The following GRM7 variants were observed in gnomAD, a reference collection of about 807,000 sequenced individuals.
The protein encoded by GRM7 is metabotropic glutamate receptor 7.
In GRM7, 35 loss-of-function variants were observed where a neutral mutation model predicts 84.5. That is an observed-to-expected ratio of 0.41 (90% confidence interval 0.32 to 0.55). The LOEUF (loss-of-function observed/expected upper bound fraction) is 0.55. Ranked by LOEUF, GRM7 falls within the 20% of genes least tolerant of loss-of-function variation. The pLI is 0.19. For synonymous variants in GRM7, 487 were observed against 455.1 expected (o/e 1.07, Z -0.89); for missense variants, 1,003 against 1,194.6 (o/e 0.84, Z 2.36).
intron 1 of GRM7, among the ~76,000 whole-genome samples, chr3:7,134,594 C>G (rs187593048): frequency 3.3e-5 from 5 of 152,230 alleles, no homozygotes; most frequent in African/African-American, 1.2e-4. Context: ...TATTACTTCT[C>G]TTGAAGCTAA....
At chr3:7,335,757 A>G (rs558080566) in intron 4 of GRM7, among the ~76,000 whole-genome samples, 2 of 152,160 alleles carry the variant, frequency 1.3e-5, no homozygotes, top group South Asian at 4.1e-4. Context: ...ACTAAAGATC[A>G]TTCAAGGCTA....
chr3:7,634,793 C>CAAA (rs59904264), intron 8 of GRM7, among the ~76,000 whole-genome samples: 1 of 137,576 alleles, frequency 7.3e-6, no homozygotes, highest in African/African-American at 2.7e-5. Flanking sequence ...GACTCTGTCT[C>CAAA]AAAAAAAAAA....
chr3:6,911,614 G>C (rs994951153), intron 1 of GRM7, among the ~76,000 whole-genome samples: 1 of 152,062 alleles, frequency 6.6e-6, no homozygotes, highest in South Asian at 2.1e-4. Context: ...GTAGCCACTA[G>C]GGAAAGTAAC....
intron 2 of GRM7, among the ~76,000 whole-genome samples, chr3:7,160,279 T>A (rs1694583571): frequency 6.6e-6 from 1 of 152,102 alleles, no homozygotes; most frequent in Non-Finnish European, 1.5e-5. Flanking sequence ...GGAGCCCAGA[T>A]AATGTGAGCT....
At chr3:7,221,099 G>A (rs540312222) in intron 2 of GRM7, among the ~76,000 whole-genome samples, 4 of 152,004 alleles carry the variant, frequency 2.6e-5, no homozygotes, top group South Asian at 2.1e-4. Context: ...TGTCTAAAAA[G>A]CAAAACAAAA....
intron 1 of GRM7, among the ~76,000 whole-genome samples, chr3:7,089,938 G>T (rs1015963299): frequency 6.6e-6 from 1 of 152,082 alleles, no homozygotes; most frequent in Non-Finnish European, 1.5e-5. Context: ...TACTCCCCGG[G>T]TTCAAGTGAT....
chr3:7,084,876 A>AT (rs1559428900), intron 1 of GRM7, among the ~76,000 whole-genome samples: 2 of 152,114 alleles, frequency 1.3e-5, no homozygotes, highest in Admixed American at 6.6e-5. Context: ...TGAATTGTTA[A>AT]TTTTTTCCCA....
intron 4 of GRM7, among the ~76,000 whole-genome samples, chr3:7,335,718 G>T (rs1329930765): frequency 6.6e-6 from 1 of 151,982 alleles, no homozygotes; most frequent in Admixed American, 6.6e-5. Context: ...AAATGAAATG[G>T]GAGGTATTAC....
At chr3:7,093,863 A>G (rs1382486761) in intron 1 of GRM7, among the ~76,000 whole-genome samples, 2 of 152,126 alleles carry the variant, frequency 1.3e-5, no homozygotes, top group Non-Finnish European at 2.9e-5. Context: ...AGGTTTTCTC[A>G]CTTAAAGTAG....
intron 1 of GRM7, among the ~76,000 whole-genome samples, chr3:6,926,047 A>G (rs1014402996): frequency 6.6e-6 from 1 of 152,166 alleles, no homozygotes; most frequent in Admixed American, 6.6e-5. Flanking sequence ...TCCATCTGAG[A>G]AAGAGGGACC....
intron 2 of GRM7, among the ~76,000 whole-genome samples, chr3:7,238,997 C>CTTTTTTTTTTTTTTTTTTTT (rs1559520012): frequency 7.3e-6 from 1 of 137,612 alleles, no homozygotes; most frequent in African/African-American, 2.7e-5. Context: ...TTCTTTTTTC[C>CTTTTTTTTTTTTTTTTTTTT]TTTTTCTTTT....
At chr3:7,355,603 T>G (rs1172662616) in intron 4 of GRM7, among the ~76,000 whole-genome samples, 1 of 152,136 alleles carries the variant, frequency 6.6e-6, no homozygotes, top group Non-Finnish European at 1.5e-5. Context: ...AGTCTTTTAC[T>G]GAACGCATGA....
At chr3:7,641,529 G>A (rs1023969662) in intron 8 of GRM7, among the ~76,000 whole-genome samples, 4 of 152,028 alleles carry the variant, frequency 2.6e-5, no homozygotes, top group African/African-American at 4.8e-5. Flanking sequence ...ATCACTTTGG[G>A]AACATGTGAA....
rs1180168302 is a variant in GRM7 at position 6,920,066 on chromosome 3, A to G, written c.519+58159A>G. Among the ~76,000 whole-genome samples, 4 of 152,340 alleles carry G rather than the reference A, an allele frequency of 2.6e-5. No homozygotes were observed. In the East Asian group the frequency reaches 7.7e-4, roughly 29 times the overall value. ...CTATCTTGTATTCTTTTGCTCTGCCAATTGATTAATATATAATACATATAA... is the reference window on the plus strand; with the variant it reads ...CTATCTTGTATTCTTTTGCTCTGCCGATTGATTAATATATAATACATATAA... On this transcript the variant is annotated intron_variant, in intron 1 of 9. Coordinates refer to ENST00000357716, the MANE Select transcript of GRM7 (RefSeq NM_000844.4).
chr3:7,371,589 G>A (rs1029132591), intron 4 of GRM7, among the ~76,000 whole-genome samples: 2 of 152,104 alleles, frequency 1.3e-5, no homozygotes, highest in Non-Finnish European at 2.9e-5. Flanking sequence ...CTTTCTGCAA[G>A]TATAAAGTAA....
rs749473827 is a variant in GRM7 at position 6,997,766 on chromosome 3, G to A, written c.519+135859G>A. Among the ~76,000 whole-genome samples the A allele has an allele frequency of 6.6e-5, 10 of 152,090 alleles. No homozygotes were observed. In the East Asian group the frequency reaches 9.7e-4, roughly 15 times the overall value. ...AAAGTCTTAACTCATTCCAGCATTC[G>A]TCCAAAAGTTCAAGTCCAAAGCCTA... is the stretch of plus-strand genomic sequence containing the variant. On this transcript the variant is annotated intron_variant, in intron 1 of 9. Coordinates refer to ENST00000357716, the MANE Select transcript of GRM7 (RefSeq NM_000844.4).
At position 7,355,497 on chromosome 3, in the gene GRM7, A is replaced by G. The variant is rs377156913; in HGVS notation, c.1033+48845A>G. On this transcript the variant is annotated intron_variant, in intron 4 of 9. Coordinates refer to ENST00000357716, the MANE Select transcript of GRM7 (RefSeq NM_000844.4). ...GCATTTGGAAGGCTTCTGTAGGTGA[A>G]TCGCAGCAGATGCTGTTATAATTTC... is the stretch of plus-strand genomic sequence containing the variant. Among the ~76,000 whole-genome samples, 27 of 152,208 alleles carry G rather than the reference A, an allele frequency of 1.8e-4. No homozygotes were observed. In the South Asian group the frequency reaches 3.5e-3, roughly 20 times the overall value.
intron 4 of GRM7, among the ~76,000 whole-genome samples, chr3:7,386,892 G>A (rs748647752): frequency 2.6e-5 from 4 of 152,064 alleles, no homozygotes; most frequent in Non-Finnish European, 5.9e-5. Context: ...CCAATGGTGC[G>A]TAAGTGTTCC....
chr3:7,180,659 G>A (rs917600844), intron 2 of GRM7, among the ~76,000 whole-genome samples: 3 of 152,060 alleles, frequency 2.0e-5, no homozygotes, highest in Non-Finnish European at 4.4e-5. Flanking sequence ...CCTCTTTTTA[G>A]CGAAGAAGTA....
Sources: gnomAD v4.1 joint callset for allele counts (sites outside exome capture counted in the v4.1 genomes callset) on GRCh38, gnomAD v4.1.1 for gene constraint, MANE v1.5 for transcripts, NCBI Gene and HGNC (gene_info 2026-07-23, HGNC 2026-07-21) for gene names.